SLC39A11: variants seen among roughly 807,000 people sequenced by gnomAD.
SLC39A11 encodes solute carrier family 39 member 11.
A neutral mutation model predicts 36.1 loss-of-function variants in SLC39A11; 33 were observed. The ratio of observed to expected loss-of-function variants is 0.91; its 90% confidence interval spans 0.69 to 1.22. SLC39A11 has a LOEUF of 1.22. SLC39A11 is among the 50% of genes most tolerant of loss of function. The pLI, the probability that SLC39A11 is intolerant of heterozygous loss-of-function variation, is 0.00. For missense variants in SLC39A11, 432 were observed against 430.3 expected, an observed-to-expected ratio of 1.00 and a Z score of -0.03; for synonymous variants, 166 against 170.3, an observed-to-expected ratio of 0.97 and a Z score of 0.20.
intron 7 of SLC39A11, among the ~76,000 whole-genome samples, chr17:72,674,509 G>A (rs887648571): frequency 2.6e-5 from 4 of 152,196 alleles, no homozygotes; most frequent in Admixed American, 2.6e-4. Context: ...ATTACCTTGT[G>A]TGTCTACGTA....
At chr17:72,830,136 A>G (rs1412073168) in intron 6 of SLC39A11, among the ~76,000 whole-genome samples, 1 of 152,228 alleles carries the variant, frequency 6.6e-6, no homozygotes, top group Non-Finnish European at 1.5e-5. Context: ...AGCTCCCAGC[A>G]GGCTTCCAGC....
At chr17:72,802,640 T>C (rs1371095282) in intron 6 of SLC39A11, among the ~76,000 whole-genome samples, 2 of 150,620 alleles carry the variant, frequency 1.3e-5, no homozygotes, top group African/African-American at 4.9e-5. Flanking sequence ...ATGGGTTAAT[T>C]TGAGTGGGGA....
chr17:72,861,434 G>T (rs2079975314), intron 5 of SLC39A11, among the ~76,000 whole-genome samples: 1 of 151,726 alleles, frequency 6.6e-6, no homozygotes. Flanking sequence ...CTCCTCTCAT[G>T]TCGTTTACTT....
intron 5 of SLC39A11, among the ~76,000 whole-genome samples, chr17:72,900,171 AAG>A (rs1215270057): frequency 2.2e-5 from 3 of 136,146 alleles, no homozygotes; most frequent in African/African-American, 5.9e-5. Flanking sequence ...GAAAGAAAGA[AAG>A]AAAGAAAGAA....
intron 6 of SLC39A11, among the ~76,000 whole-genome samples, chr17:72,796,224 C>A (rs1379338760): frequency 6.6e-6 from 1 of 152,090 alleles, no homozygotes; most frequent in Non-Finnish European, 1.5e-5. Context: ...TTCCAACACA[C>A]GAGACAGAAG....
intron 5 of SLC39A11, among the ~76,000 whole-genome samples, chr17:72,884,682 A>G (rs1337363101): frequency 6.6e-6 from 1 of 152,244 alleles, no homozygotes; most frequent in Non-Finnish European, 1.5e-5. Flanking sequence ...ATTAGAGTTT[A>G]ATAAAAAGGA....
chr17:72,681,982 C>T lies in SLC39A11; in HGVS notation c.672-32714G>A, dbSNP rs939290565. Among the ~76,000 whole-genome samples, 5 of 152,140 alleles carry T rather than the reference C, an allele frequency of 3.3e-5. No homozygotes were observed. In the East Asian group the frequency reaches 9.6e-4, roughly 29 times the overall value. Reference sequence around the variant, plus strand: ...ATGGGCGGCAGGCAAGCGAACGAAGCTTCATCTGTATTGACAGCCACTCCC... The same window carrying T: ...ATGGGCGGCAGGCAAGCGAACGAAGTTTCATCTGTATTGACAGCCACTCCC... On this transcript the variant is annotated intron_variant, in intron 7 of 9. Transcript: ENST00000255559.
intron 3 of SLC39A11, among the ~76,000 whole-genome samples, chr17:73,035,537 C>T (rs2058878816): frequency 6.6e-6 from 1 of 152,106 alleles, no homozygotes; most frequent in African/African-American, 2.4e-5. Context: ...AAGGACTCTG[C>T]ACATGGGATT....
chr17:72,926,959 AC>A (rs10709300), intron 5 of SLC39A11, among the ~76,000 whole-genome samples: 19,246 of 152,086 alleles, frequency 0.13, 2,387 homozygotes, highest in African/African-American at 0.33. Flanking sequence ...AAAAGAGACC[AC>A]TACCCTGATT....
rs200730056 is a variant in SLC39A11 at position 73,001,569 on chromosome 17, T to TA, written c.306+29986dup. On this transcript the variant is annotated intron_variant, in intron 4 of 9. Coordinates refer to ENST00000255559, the MANE Select transcript of SLC39A11 (RefSeq NM_139177.4). ...CCTAAAACTTAAAGTATAATAATAA[T>TA]AAAAAAAAAGAAAGAAAAAGTTGTA... Among the ~76,000 whole-genome samples, 887 of 148,196 alleles carry TA rather than the reference T, an allele frequency of 6.0e-3. 4 individuals are homozygous for TA. The highest frequency in any genetic ancestry group is 0.027 in the South Asian group (122 of 4,564).
chr17:72,714,386 A>G (rs2073252027), intron 7 of SLC39A11, among the ~76,000 whole-genome samples: 2 of 152,026 alleles, frequency 1.3e-5, no homozygotes, highest in Admixed American at 1.3e-4. Flanking sequence ...AATAAAAATA[A>G]TAATAATTGC....
At chr17:72,718,338 C>T (rs2073499271) in intron 7 of SLC39A11, among the ~76,000 whole-genome samples, 1 of 152,110 alleles carries the variant, frequency 6.6e-6, no homozygotes, top group Non-Finnish European at 1.5e-5. Context: ...ACTCGTGAGG[C>T]TGAGGCAGGA....
chr17:72,666,882 C>A (rs1281426716), intron 7 of SLC39A11, among the ~76,000 whole-genome samples: 1 of 152,146 alleles, frequency 6.6e-6, no homozygotes, highest in Non-Finnish European at 1.5e-5. Flanking sequence ...AATGATTATT[C>A]CTATTCCTTT....
intron 7 of SLC39A11, among the ~76,000 whole-genome samples, chr17:72,689,014 G>T (rs1024519013): frequency 6.6e-6 from 1 of 152,108 alleles, no homozygotes; most frequent in African/African-American, 2.4e-5. Flanking sequence ...ACTGCCCAGG[G>T]CCCCTCTTGG....
At chr17:72,935,922 C>T (rs1299607078) in intron 5 of SLC39A11, among the ~76,000 whole-genome samples, 2 of 151,804 alleles carry the variant, frequency 1.3e-5, no homozygotes, top group Non-Finnish European at 2.9e-5. Flanking sequence ...GAAGGCTGGG[C>T]ACAGTGGCTC....
chr17:73,055,457 G>A (rs143295718), intron 3 of SLC39A11, among the ~76,000 whole-genome samples: 2 of 151,362 alleles, frequency 1.3e-5, no homozygotes, highest in East Asian at 3.9e-4. Flanking sequence ...TTTTAGAGAG[G>A]GTCTCACTCA....
At chr17:73,011,407 A>G (rs568477839) in intron 4 of SLC39A11, among the ~76,000 whole-genome samples, 164 of 152,318 alleles carry the variant, frequency 1.1e-3, no homozygotes, top group African/African-American at 3.6e-3. Context: ...AATGGAAGGT[A>G]GAGGAGCCCT....
At chr17:73,009,236 G>A (rs144127621) in intron 4 of SLC39A11, among the ~76,000 whole-genome samples, 1,723 of 151,740 alleles carry the variant, frequency 0.011, 34 homozygotes, top group African/African-American at 0.04. Context: ...AGGTGTGGTG[G>A]CGGGCATCTG....
At chr17:73,006,081 T>G (rs1183176313) in intron 4 of SLC39A11, among the ~76,000 whole-genome samples, 1 of 152,140 alleles carries the variant, frequency 6.6e-6, no homozygotes, top group Non-Finnish European at 1.5e-5. Flanking sequence ...TGTGAGTCAT[T>G]GTCACGACAT....
Sources: allele counts gnomAD v4.1 joint callset (sites outside exome capture counted in the v4.1 genomes callset), GRCh38; gene constraint gnomAD v4.1.1; transcripts MANE v1.5; gene names NCBI Gene and HGNC (gene_info 2026-07-23, HGNC 2026-07-21).